Variants in FANCC observed in about 807,000 individuals in gnomAD.
FANCC encodes the protein Fanconi anemia group C protein.
In FANCC, 55 loss-of-function variants were observed where a neutral mutation model predicts 71.3. That is an observed-to-expected ratio of 0.77 (90% CI 0.62 to 0.97). The LOEUF (loss-of-function observed/expected upper bound fraction) is 0.97, where lower values mean the gene tolerates loss of function less well. Among genes scored for constraint, FANCC ranks in the 50% least tolerant of loss-of-function variants. FANCC has a pLI of 0.00. For synonymous variants in FANCC, 275 were observed against 244.9 expected (o/e 1.12, Z -1.15); for missense variants, 678 against 670.9 (o/e 1.01, Z -0.12).
intron 1 of FANCC, among the ~76,000 whole-genome samples, chr9:95,310,038 GCCC>G (rs748410362): frequency 7.7e-4 from 118 of 152,274 alleles, no homozygotes; most frequent in East Asian, 2.9e-3. Context: ...AGCATTAAAT[GCCC>G]CTGCTGCACC....
At chr9:95,212,109 C>T (rs1263039819) in intron 4 of FANCC, among the ~76,000 whole-genome samples, 1 of 151,950 alleles carries the variant, frequency 6.6e-6, no homozygotes, top group African/African-American at 2.4e-5. Flanking sequence ...TGACAAGAAC[C>T]TCAATGATCT....
intron 10 of FANCC, among the ~76,000 whole-genome samples, chr9:95,121,287 G>A (rs2072859645): frequency 6.6e-6 from 1 of 152,084 alleles, no homozygotes; most frequent in Non-Finnish European, 1.5e-5. Context: ...TGTCTGATAG[G>A]GCATATTGAT....
intron 1 of FANCC, among the ~76,000 whole-genome samples, chr9:95,275,192 G>C (rs1041993950): frequency 9.9e-5 from 15 of 152,002 alleles, no homozygotes; most frequent in African/African-American, 3.1e-4. Flanking sequence ...GCTGTGGCAG[G>C]AGGATCACCT....
At chr9:95,230,677 C>T (rs1161594960) in intron 4 of FANCC, among the ~76,000 whole-genome samples, 1 of 152,074 alleles carries the variant, frequency 6.6e-6, no homozygotes, top group Non-Finnish European at 1.5e-5. Flanking sequence ...GTAGTGCGGA[C>T]CCAAAGAGTG....
Position 95,303,548 on chromosome 9 carries a change from T to C in FANCC, c.-79+13978A>G, listed in dbSNP as rs114688244. Among the ~76,000 whole-genome samples, 550 of 152,360 alleles carry C rather than the reference T, an allele frequency of 3.6e-3. 4 individuals are homozygous for C. The highest frequency in any genetic ancestry group is 0.012 in the African/African-American group (492 of 41,582). Reference sequence around the variant, plus strand: ...ACAGAAATGTATTTTCTCACAATTCTGGAGGCTGTAAAGTCCACAATCAAG... The same window carrying C: ...ACAGAAATGTATTTTCTCACAATTCCGGAGGCTGTAAAGTCCACAATCAAG... On this transcript the variant is annotated intron_variant, in intron 1 of 14. Transcript: ENST00000289081.
chr9:95,148,767 T>C (rs186122535), intron 7 of FANCC, among the ~76,000 whole-genome samples: 104 of 152,222 alleles, frequency 6.8e-4, no homozygotes, highest in Non-Finnish European at 3.1e-4. Flanking sequence ...GACCAATGGG[T>C]TTCTAATGTA....
chr9:95,129,932 T>C (rs770321428), intron 8 of FANCC, among the ~76,000 whole-genome samples: 32 of 152,186 alleles, frequency 2.1e-4, no homozygotes, highest in Non-Finnish European at 4.0e-4. Flanking sequence ...TCTCCCCTCA[T>C]GGCTACCCAG....
intron 11 of FANCC, among the ~76,000 whole-genome samples, chr9:95,116,190 C>G (rs562530732): frequency 6.6e-6 from 1 of 152,382 alleles, no homozygotes; most frequent in African/African-American, 2.4e-5. Flanking sequence ...AGTACATTTT[C>G]TGGAGCTCAC....
At chr9:95,181,333 C>T (rs1293185937) in intron 4 of FANCC, among the ~76,000 whole-genome samples, 1 of 152,044 alleles carries the variant, frequency 6.6e-6, no homozygotes, top group African/African-American at 2.4e-5. Context: ...TATATGGTTA[C>T]GTAGTTTTCA....
rs187629349 is a variant in FANCC at position 95,292,297 on chromosome 9, C to T, written c.-79+25229G>A. 501 of 426,018 alleles carry T rather than the reference C, an allele frequency of 1.2e-3. 2 individuals carry two copies. The highest frequency in any genetic ancestry group is 0.01 in the African/African-American group (475 of 46,364). 26.4% of individuals were successfully genotyped at this position (426,018 alleles called of 1,614,324 possible). On this transcript the variant is annotated intron_variant, in intron 1 of 14. Coordinates refer to ENST00000289081, the MANE Select transcript of FANCC (RefSeq NM_000136.3). The stretch of plus-strand genomic sequence containing the variant: ...CCTATCTCTCACCACTTAGAAAAAT[C>T]AACACAACTGCGAGCTGGGCCTGGC...
At chr9:95,197,935 G>A (rs889700417) in intron 4 of FANCC, among the ~76,000 whole-genome samples, 5 of 152,190 alleles carry the variant, frequency 3.3e-5, no homozygotes, top group African/African-American at 1.2e-4. Flanking sequence ...TAGTAGTCAA[G>A]TAGGCATCAG....
chr9:95,302,273 G>A (rs1161107488), intron 1 of FANCC, among the ~76,000 whole-genome samples: 1 of 152,102 alleles, frequency 6.6e-6, no homozygotes, highest in African/African-American at 2.4e-5. Context: ...GTTGCATTCT[G>A]GTAGAAAGAA....
At chr9:95,136,492 A>G (rs1011217015) in intron 7 of FANCC, among the ~76,000 whole-genome samples, 3 of 142,762 alleles carry the variant, frequency 2.1e-5, no homozygotes, top group Non-Finnish European at 4.6e-5. Flanking sequence ...AGATTCCTTT[A>G]AAAAAAAAAA....
intron 4 of FANCC, among the ~76,000 whole-genome samples, chr9:95,228,150 G>A (rs770677238): frequency 2.8e-4 from 43 of 152,232 alleles, no homozygotes; most frequent in Non-Finnish European, 5.1e-4. Flanking sequence ...TAGGCACTCA[G>A]GATACAATTG....
chr9:95,181,477 TA>T (rs968278614), intron 4 of FANCC, among the ~76,000 whole-genome samples: 2 of 152,116 alleles, frequency 1.3e-5, no homozygotes, highest in Non-Finnish European at 2.9e-5. Context: ...ACAAAACCAT[TA>T]AAGATTAGGC....
intron 1 of FANCC, among the ~76,000 whole-genome samples, chr9:95,288,867 G>C (rs1833845843): frequency 6.6e-6 from 1 of 152,052 alleles, no homozygotes; most frequent in South Asian, 2.1e-4. Flanking sequence ...GGCTGAGATG[G>C]GAGGATCACT....
chr9:95,176,429 C>T (rs1047328869), intron 4 of FANCC, among the ~76,000 whole-genome samples: 85 of 152,328 alleles, frequency 5.6e-4, no homozygotes, highest in African/African-American at 2.0e-3. Context: ...TGTTTGCGAC[C>T]CTGGAGGGCC....
chr9:95,294,190 C>T, intron 1 of FANCC: 1 of 1,600,444 alleles, frequency 6.2e-7, no homozygotes. Flanking sequence ...TAACACAAAT[C>T]CTGGACCTGA....
At chr9:95,290,550 G>A (rs1833940182) in intron 1 of FANCC, among the ~76,000 whole-genome samples, 1 of 152,184 alleles carries the variant, frequency 6.6e-6, no homozygotes, top group Admixed American at 6.5e-5. Flanking sequence ...CACAGCCAAT[G>A]AAAGGAGGGT....
Sources: allele counts gnomAD v4.1 joint callset (sites outside exome capture counted in the v4.1 genomes callset), GRCh38; gene constraint gnomAD v4.1.1; transcripts MANE v1.5; gene names NCBI Gene and HGNC (gene_info 2026-07-23, HGNC 2026-07-21).